Variants in OR51B5 observed in about 807,000 individuals in gnomAD.
OR51B5 encodes olfactory receptor 51B5.
For synonymous variants in OR51B5, 186 were observed against 144.8 expected (o/e 1.28, Z -2.04); for missense variants, 456 against 374.6 (o/e 1.22, Z -1.79).
At chr11:5,390,305 A>G in intron 1 of OR51B5, 2 of 1,613,762 alleles carry the variant, frequency 1.2e-6, no homozygotes, top group Non-Finnish European at 1.7e-6. Flanking sequence ...TAACCCAATC[A>G]TATACAGCAT....
intron 1 of OR51B5, among the ~76,000 whole-genome samples, chr11:5,443,449 T>G (rs1850721114): frequency 6.6e-6 from 1 of 151,850 alleles, no homozygotes; most frequent in Non-Finnish European, 1.5e-5. Flanking sequence ...TCTCTTCCCC[T>G]AAACCCACAT....
rs1034566081 is a variant in OR51B5 at position 5,418,068 on chromosome 11, T to C, written n.85-71158A>G. On this transcript the variant is annotated intron_variant and non_coding_transcript_variant, in intron 1 of 4. Transcript: ENST00000415970. ...GGCACATATACACCATGGAATACTA[T>C]GCAGCCATAAAAAATGATGAGTTCA... is the stretch of plus-strand genomic sequence containing the variant. 1.0e-4 allele frequency among the ~76,000 whole-genome samples: 15 copies of C among 150,558 alleles called. No homozygotes were observed. The East Asian group carries it at 2.4e-3, about 24-fold the overall frequency.
At position 5,464,748 on chromosome 11, in the gene OR51B5, C is replaced by T. The variant is rs929777324; in HGVS notation, n.84+40821G>A. ...TGTGAATAATGCCACAATAAACATA[C>T]GTGTGCATGTGTCTTTACAGCAGCA... On this transcript the variant is annotated intron_variant and non_coding_transcript_variant, in intron 1 of 4. Transcript: ENST00000415970. Among the ~76,000 whole-genome samples, 25 of 152,222 alleles carry T rather than the reference C, an allele frequency of 1.6e-4. No homozygotes were observed. In the South Asian group the frequency reaches 1.7e-3, roughly 10 times the overall value.
intron 1 of OR51B5, among the ~76,000 whole-genome samples, chr11:5,350,661 G>A (rs1338977451): frequency 6.6e-6 from 1 of 152,166 alleles, no homozygotes; most frequent in Admixed American, 6.5e-5. Context: ...TAGGTGATAT[G>A]CAACAGTAGT....
chr11:5,400,501 C>A (rs1377347866), intron 1 of OR51B5, among the ~76,000 whole-genome samples: 1 of 151,522 alleles, frequency 6.6e-6, no homozygotes, highest in Non-Finnish European at 1.5e-5. Context: ...TGGAAATTTT[C>A]TACTAATTCT....
At chr11:5,459,830 C>T (rs1851019921) in intron 1 of OR51B5, among the ~76,000 whole-genome samples, 1 of 152,102 alleles carries the variant, frequency 6.6e-6, no homozygotes, top group African/African-American at 2.4e-5. Context: ...GGTGATTCCT[C>T]AAAGAGCTAA....
intron 1 of OR51B5, among the ~76,000 whole-genome samples, chr11:5,418,242 CTG>C (rs1850271611): frequency 6.6e-6 from 1 of 151,908 alleles, no homozygotes; most frequent in Non-Finnish European, 1.5e-5. Context: ...ACATCACACT[CTG>C]GGGACTGTTG....
At chr11:5,369,521 TA>T (rs1849419905) in intron 1 of OR51B5, among the ~76,000 whole-genome samples, 1 of 152,124 alleles carries the variant, frequency 6.6e-6, no homozygotes, top group Non-Finnish European at 1.5e-5. Flanking sequence ...AACTAGTAAG[TA>T]GTTGTATTTT....
chr11:5,376,028 A>C (rs1290466638), intron 1 of OR51B5, among the ~76,000 whole-genome samples: 22 of 152,092 alleles, frequency 1.4e-4, no homozygotes, highest in African/African-American at 4.8e-4. Context: ...AGCACCACAC[A>C]ACACCTATTC....
chr11:5,482,130 A>G lies in OR51B5; in HGVS notation n.84+23439T>C, dbSNP rs1248897704. ...ATACTACAAGGCTACAATAACCAAA[A>G]CAGCATGGTACTGGTACCAAAACAG... On this transcript the variant is annotated intron_variant and non_coding_transcript_variant, in intron 1 of 4. Transcript: ENST00000415970. Among the ~76,000 whole-genome samples, 26 of 117,006 alleles carry G rather than the reference A, an allele frequency of 2.2e-4. 6 individuals are homozygous for G. 76.8% of individuals were successfully genotyped at this position (117,006 alleles called of 152,430 possible).
intron 1 of OR51B5, among the ~76,000 whole-genome samples, chr11:5,485,710 G>A (rs1851488495): frequency 6.6e-6 from 1 of 152,122 alleles, no homozygotes; most frequent in African/African-American, 2.4e-5. Context: ...TGTCTGAAAT[G>A]TTCTTCCTTC....
intron 1 of OR51B5, among the ~76,000 whole-genome samples, chr11:5,358,284 G>A (rs946397857): frequency 3.3e-5 from 5 of 151,914 alleles, no homozygotes; most frequent in Admixed American, 1.3e-4. Flanking sequence ...GAATCAAATA[G>A]ATGCAATAAA....
At chr11:5,369,277 G>A (rs1027881423) in intron 1 of OR51B5, among the ~76,000 whole-genome samples, 19 of 152,178 alleles carry the variant, frequency 1.2e-4, no homozygotes, top group Admixed American at 8.5e-4. Context: ...GCCCATGTGT[G>A]TGGGGTAGTA....
chr11:5,354,868 C>G (rs1849162902), intron 1 of OR51B5: 3 of 184,014 alleles, frequency 1.6e-5, no homozygotes, highest in East Asian at 1.7e-4. Context: ...TGAGAGAACT[C>G]TGAGGATGTT....
chr11:5,451,485 A>G lies in OR51B5; in HGVS notation n.84+54084T>C, dbSNP rs117978919. On this transcript the variant is annotated intron_variant and non_coding_transcript_variant, in intron 1 of 4. Transcript: ENST00000415970. ...TCCCAAGTAATCAGAGTTCTTGAAG[A>G]GACACAAGCATATGCAGACTGAGCT... 2.3e-3 allele frequency among the ~76,000 whole-genome samples: 357 copies of G among 152,362 alleles called. 1 individual carries two copies. Among genetic ancestry groups the G allele is most frequent in the Non-Finnish European group, 4.1e-3 (278 of 68,044 alleles).
intron 1 of OR51B5, among the ~76,000 whole-genome samples, chr11:5,348,979 T>C (rs1260933236): frequency 1.3e-5 from 2 of 152,024 alleles, no homozygotes; most frequent in Admixed American, 6.6e-5. Context: ...AGAGAATATA[T>C]GAAAGTTAAC....
intron 1 of OR51B5, among the ~76,000 whole-genome samples, chr11:5,416,510 T>C (rs560689404): frequency 2.0e-5 from 3 of 151,490 alleles, no homozygotes; most frequent in Non-Finnish European, 4.4e-5. Context: ...GATGACATGA[T>C]TGTATATCTA....
Position 5,489,517 on chromosome 11 carries a change from G to A in OR51B5, n.84+16052C>T, listed in dbSNP as rs201885988. The A allele has an allele frequency of 4.7e-5, 76 of 1,613,838 alleles. No homozygotes were observed. In the Admixed American group the frequency reaches 9.0e-4, roughly 19 times the overall value. On this transcript the variant is annotated intron_variant and non_coding_transcript_variant, in intron 1 of 4. Coordinates refer to the OR51B5 transcript ENST00000415970. The stretch of plus-strand genomic sequence containing the variant: ...CCTCACCCACCGCTTTGGTCACCAC[G>A]AAGTCCCCAAGCATGTGCACATCTT...
chr11:5,494,216 A>T (rs1032168051), intron 1 of OR51B5, among the ~76,000 whole-genome samples: 9 of 152,248 alleles, frequency 5.9e-5, no homozygotes, highest in African/African-American at 2.2e-4. Context: ...GTGGCAAGAA[A>T]TAACATTATT....
Sources: allele counts gnomAD v4.1 joint callset (sites outside exome capture counted in the v4.1 genomes callset), GRCh38; gene constraint gnomAD v4.1.1; transcripts MANE v1.5; gene names NCBI Gene and HGNC (gene_info 2026-07-23, HGNC 2026-07-21).